The following SFMBT1 variants were observed in gnomAD, a reference collection of about 807,000 sequenced individuals.
SFMBT1 encodes the protein scm-like with four MBT domains protein 1.
In SFMBT1, 32 loss-of-function variants were observed where a neutral mutation model predicts 108.7. The ratio of observed to expected loss-of-function variants is 0.29; its 90% CI spans 0.22 to 0.40. SFMBT1 has a LOEUF of 0.40. SFMBT1 is among the 10% of genes least tolerant of loss of function. The pLI, the probability that SFMBT1 is intolerant of heterozygous loss-of-function variation, is 1.00. For synonymous variants in SFMBT1, 348 were observed against 369.5 expected, an observed-to-expected ratio of 0.94 and a Z score of 0.67; for missense variants, 816 against 1,059.6, an observed-to-expected ratio of 0.77 and a Z score of 3.19.
chr3:52,920,670 C>A lies in SFMBT1; in HGVS notation c.1259-20G>T. The A allele has an allele frequency of 1.5e-6, 2 of 1,362,622 alleles. No homozygotes were observed. Among genetic ancestry groups the A allele is most frequent in the Admixed American group, 2.0e-5 (1 of 50,772 alleles). The allele number at this position is 1,362,622 out of a possible 1,614,324, so 84.4% of individuals were successfully genotyped here. Reference sequence around the variant, plus strand: ...TAGAACCTGTTTAGATTTAAACAAACAAACAAACAAACAAACAAACCTTTT... The same window carrying A: ...TAGAACCTGTTTAGATTTAAACAAAAAAACAAACAAACAAACAAACCTTTT... On this transcript the variant is annotated intron_variant, in intron 11 of 20. Coordinates refer to ENST00000394752, the MANE Select transcript of SFMBT1 (RefSeq NM_016329.4).
At chr3:52,985,316 C>G (rs963343549) in intron 1 of SFMBT1, among the ~76,000 whole-genome samples, 1 of 152,140 alleles carries the variant, frequency 6.6e-6, no homozygotes, top group Non-Finnish European at 1.5e-5. Context: ...CATGTCAAGT[C>G]ACAGATCAGA....
chr3:53,021,053 C>T (rs893877775), intron 1 of SFMBT1, among the ~76,000 whole-genome samples: 4 of 152,064 alleles, frequency 2.6e-5, no homozygotes, highest in East Asian at 1.9e-4. Flanking sequence ...AGTGAGACTC[C>T]GTCTCAAAAA....
intron 4 of SFMBT1, among the ~76,000 whole-genome samples, chr3:52,937,015 G>A (rs996549966): frequency 1.3e-5 from 2 of 148,808 alleles, no homozygotes; most frequent in Non-Finnish European, 3.0e-5. Context: ...CTAATTGTTT[G>A]TATTTTTAGC....
At chr3:52,982,758 T>C (rs1335643731) in intron 1 of SFMBT1, among the ~76,000 whole-genome samples, 2 of 94,206 alleles carry the variant, frequency 2.1e-5, no homozygotes, top group Admixed American at 9.8e-5. Context: ...AAAAAAGATA[T>C]AGATCGTGGA....
intron 2 of SFMBT1, among the ~76,000 whole-genome samples, chr3:52,960,052 A>G (rs990166693): frequency 6.6e-6 from 1 of 151,980 alleles, no homozygotes; most frequent in Admixed American, 6.6e-5. Context: ...AGTAGAATAG[A>G]TAAGTTATGG....
chr3:52,953,151 G>C (rs997652742), intron 3 of SFMBT1, among the ~76,000 whole-genome samples: 10 of 152,290 alleles, frequency 6.6e-5, no homozygotes, highest in South Asian at 4.1e-4. Context: ...TTTTAAGAGG[G>C]AGTTTGAGTA....
rs185927570 is a variant in SFMBT1, at chr3:52,994,215, C to T, written c.-130-24957G>A. On this transcript the variant is annotated intron_variant, in intron 1 of 20. Coordinates refer to ENST00000394752, the MANE Select transcript of SFMBT1 (RefSeq NM_016329.4). ...TGCATTTGTAACTAAAGAGATCACACACAACTGTGCCATCTGGTCACAAAA... is the reference window on the plus strand; with the variant it reads ...TGCATTTGTAACTAAAGAGATCACATACAACTGTGCCATCTGGTCACAAAA... 6.9e-3 allele frequency among the ~76,000 whole-genome samples: 1,040 copies of T among 150,578 alleles called. 141 individuals carry two copies. In the South Asian group the frequency reaches 0.19, roughly 28 times the overall value.
At position 52,998,369 on chromosome 3, in the gene SFMBT1, G is replaced by A. The variant is rs534737883; in HGVS notation, c.-130-29111C>T. On this transcript the variant is annotated intron_variant, in intron 1 of 20. Coordinates refer to ENST00000394752, the MANE Select transcript of SFMBT1 (RefSeq NM_016329.4). ...ATCGCGCCACTGCACTCTAGCCTGG[G>A]TGACAGAGAGAGACTCCGTCTCAAA... 1.3e-3 allele frequency among the ~76,000 whole-genome samples: 191 copies of A among 150,298 alleles called. 4 individuals carry two copies. The highest frequency in any genetic ancestry group is 4.2e-3 in the African/African-American group (173 of 41,396).
At chr3:52,984,664 AT>A (rs954274977) in intron 1 of SFMBT1, among the ~76,000 whole-genome samples, 35 of 149,878 alleles carry the variant, frequency 2.3e-4, no homozygotes, top group African/African-American at 8.1e-4. Flanking sequence ...ACTATAATGA[AT>A]ACTATATTGA....
intron 2 of SFMBT1, among the ~76,000 whole-genome samples, chr3:52,966,422 G>C (rs567455976): frequency 6.6e-6 from 1 of 150,790 alleles, no homozygotes; most frequent in South Asian, 2.1e-4. Flanking sequence ...TCAGGAGATC[G>C]AGACCATCCT....
chr3:52,921,952 G>T, intron 10 of SFMBT1, 121 bp from the exon 11 acceptor site: 1 of 1,008,546 alleles, frequency 9.9e-7, no homozygotes, highest in Non-Finnish European at 1.5e-6. Context: ...CATTTATTTT[G>T]CATTGTTTTG....
At chr3:52,952,442 C>T (rs910994308) in intron 3 of SFMBT1, among the ~76,000 whole-genome samples, 17 of 152,174 alleles carry the variant, frequency 1.1e-4, no homozygotes, top group Non-Finnish European at 2.1e-4. Flanking sequence ...TGTTCAAACC[C>T]TAAGCTCCAG....
intron 1 of SFMBT1, among the ~76,000 whole-genome samples, chr3:53,008,760 G>A (rs933663569): frequency 9.3e-5 from 14 of 150,936 alleles, no homozygotes; most frequent in African/African-American, 2.7e-4. Context: ...TCAGCCTCCC[G>A]AGTAGCTGGG....
intron 1 of SFMBT1, among the ~76,000 whole-genome samples, chr3:53,033,258 T>G (rs1452255954): frequency 1.3e-5 from 2 of 152,070 alleles, no homozygotes; most frequent in African/African-American, 2.4e-5. Context: ...CCTCCCAGGT[T>G]CCGGCAATTC....
chr3:52,939,222 C>T (rs1051154412), intron 4 of SFMBT1, among the ~76,000 whole-genome samples: 31 of 152,322 alleles, frequency 2.0e-4, no homozygotes, highest in African/African-American at 7.0e-4. Flanking sequence ...TTCCTACATA[C>T]ATAGTAATCC....
chr3:52,975,556 C>T (rs192788765), intron 1 of SFMBT1, among the ~76,000 whole-genome samples: 3 of 152,024 alleles, frequency 2.0e-5, no homozygotes, highest in Admixed American at 1.3e-4. Context: ...ATTAGCTAAA[C>T]GTGGTGACAC....
intron 3 of SFMBT1, among the ~76,000 whole-genome samples, chr3:52,952,901 C>G (rs1259762249): frequency 6.6e-6 from 1 of 152,164 alleles, no homozygotes; most frequent in East Asian, 1.9e-4. Flanking sequence ...TAAGAAGAGA[C>G]ACCACAGAAC....
chr3:52,980,288 A>G (rs1009276060), intron 1 of SFMBT1, among the ~76,000 whole-genome samples: 6 of 152,214 alleles, frequency 3.9e-5, no homozygotes, highest in African/African-American at 1.4e-4. Flanking sequence ...TTTTGCAGCT[A>G]TCTCCTGTTG....
chr3:52,926,206 A>G (rs1702652913), intron 9 of SFMBT1, 93 bp from the exon 10 acceptor site: 1 of 1,041,220 alleles, frequency 9.6e-7, no homozygotes, highest in East Asian at 2.6e-5. Context: ...CACAACTTCC[A>G]GTGATGCTAG....
Sources: gnomAD v4.1 joint callset for allele counts (sites outside exome capture counted in the v4.1 genomes callset) on GRCh38, gnomAD v4.1.1 for gene constraint, MANE v1.5 for transcripts, NCBI Gene and HGNC (gene_info 2026-07-23, HGNC 2026-07-21) for gene names.